The following LRRC20 variants were observed in gnomAD, a reference collection of about 807,000 sequenced individuals.
LRRC20 encodes the protein leucine-rich repeat-containing protein 20.
Under a neutral mutation model 14.4 loss-of-function variants are expected in LRRC20, and 11 were observed. The observed-to-expected ratio is 0.77, with a 90% CI of 0.48 to 1.27. The LOEUF (loss-of-function observed/expected upper bound fraction) is 1.27. Ranked by LOEUF, LRRC20 falls within the 50% of genes most tolerant of loss-of-function variation. The pLI is 0.00. For missense variants in LRRC20, 219 were observed against 251.2 expected (o/e 0.87, Z 0.87); for synonymous variants, 121 against 107.3 (o/e 1.13, Z -0.79).
At position 70,356,086 on chromosome 10, in the gene LRRC20, A is replaced by G. The variant is rs114696149; in HGVS notation, c.83-15384T>C. On this transcript the variant is annotated intron_variant, in intron 2 of 4. Transcript: ENST00000446961. ...AACCACACAAGAGACCTAGAAAGCA[A>G]TATCTTCTTCTCAGAATCCAAATTG... Among the ~76,000 whole-genome samples the G allele has an allele frequency of 9.9e-3, 1,512 of 152,354 alleles. 22 individuals carry two copies. The highest frequency in any genetic ancestry group is 0.057 in the South Asian group (274 of 4,828).
At chr10:70,351,294 A>T (rs1381192337) in intron 2 of LRRC20, among the ~76,000 whole-genome samples, 1 of 152,206 alleles carries the variant, frequency 6.6e-6, no homozygotes, top group Non-Finnish European at 1.5e-5. Context: ...TGTTTTTAAC[A>T]ATATCCCCAG....
intron 4 of LRRC20, among the ~76,000 whole-genome samples, chr10:70,304,470 TTATATATATATATATATATATATATATA>T (rs57284629): frequency 8.8e-6 from 1 of 113,826 alleles, no homozygotes; most frequent in Non-Finnish European, 1.9e-5. Flanking sequence ...GGCCACTTCT[TTATATATATATATATATATATATATATA>T]TATATATATT....
intron 2 of LRRC20, among the ~76,000 whole-genome samples, chr10:70,349,889 G>A (rs536301795): frequency 7.6e-4 from 116 of 152,290 alleles, no homozygotes; most frequent in Admixed American, 1.0e-3. Context: ...TCCCTCCTCA[G>A]TCACTGGCAG....
intron 4 of LRRC20, among the ~76,000 whole-genome samples, chr10:70,301,943 T>C (rs1841206397): frequency 6.6e-6 from 1 of 152,210 alleles, no homozygotes; most frequent in African/African-American, 2.4e-5. Context: ...TCCATATATA[T>C]ATGATATATG....
intron 3 of LRRC20, among the ~76,000 whole-genome samples, chr10:70,338,219 A>G (rs866750986): frequency 1.3e-5 from 2 of 152,240 alleles, no homozygotes; most frequent in Middle Eastern, 6.8e-3. Context: ...TTCTGTTTGC[A>G]TGGTGGCCTT....
intron 2 of LRRC20, among the ~76,000 whole-genome samples, chr10:70,364,960 C>G (rs1165461311): frequency 6.6e-6 from 1 of 151,468 alleles, no homozygotes; most frequent in African/African-American, 2.4e-5. Context: ...AAATTGCAAA[C>G]AGTAAGCCAG....
At chr10:70,319,408 C>T (rs1841994937) in intron 4 of LRRC20, among the ~76,000 whole-genome samples, 2 of 152,170 alleles carry the variant, frequency 1.3e-5, no homozygotes, top group Admixed American at 1.3e-4. Context: ...GTGTTGGCTG[C>T]TGGGGTGAAC....
intron 2 of LRRC20, among the ~76,000 whole-genome samples, chr10:70,370,838 A>T (rs1844238190): frequency 6.7e-6 from 1 of 149,424 alleles, no homozygotes; most frequent in South Asian, 2.1e-4. Context: ...TAGGCAACAC[A>T]GTGAGACCCC....
chr10:70,315,909 C>T (rs1014946830), intron 4 of LRRC20, among the ~76,000 whole-genome samples: 4 of 152,038 alleles, frequency 2.6e-5, no homozygotes, highest in Non-Finnish European at 5.9e-5. Flanking sequence ...ACTGACTTGC[C>T]GAGTGCATCA....
At chr10:70,341,390 G>T (rs770015510) in intron 2 of LRRC20, among the ~76,000 whole-genome samples, 4 of 152,234 alleles carry the variant, frequency 2.6e-5, no homozygotes, top group Non-Finnish European at 4.4e-5. Context: ...CCAGAAAGTG[G>T]AAACAACCCA....
chr10:70,369,697 A>G (rs1281964175), intron 2 of LRRC20, among the ~76,000 whole-genome samples: 1 of 151,236 alleles, frequency 6.6e-6, no homozygotes, highest in Non-Finnish European at 1.5e-5. Flanking sequence ...GTAAAATGGG[A>G]GTATTAACAT....
At chr10:70,326,431 C>A (rs1464897910) in intron 3 of LRRC20, among the ~76,000 whole-genome samples, 1 of 152,172 alleles carries the variant, frequency 6.6e-6, no homozygotes, top group Non-Finnish European at 1.5e-5. Context: ...TCCCTACATC[C>A]AGCCTCTTGC....
Position 70,301,359 on chromosome 10 carries a change from G to A in LRRC20, c.550C>T (p.Pro184Ser), listed in dbSNP as rs1396929744. 2 of 1,612,376 alleles carry A rather than the reference G, an allele frequency of 1.2e-6. No homozygotes were observed. Residue 184 changes from proline (P) to serine (S), a missense_variant, in exon 5 of 5, where the codon CCT (proline) becomes TCT (serine). Transcript: ENST00000446961. The part of the protein sequence containing the change: ...MSPEGARAPL[P>S] ...GTGGGCATGAGGAGGGTGGCCTAAG[G>A]TAGGGGGGCTCTTGCGCCTTCCGGA...
At chr10:70,369,629 A>C (rs1012136290) in intron 2 of LRRC20, among the ~76,000 whole-genome samples, 10 of 150,994 alleles carry the variant, frequency 6.6e-5, no homozygotes, top group African/African-American at 2.4e-4. Flanking sequence ...AAAAAAAAAA[A>C]AAAACCATAC....
intron 2 of LRRC20, among the ~76,000 whole-genome samples, chr10:70,345,158 G>C (rs1215191477): frequency 2.0e-5 from 3 of 151,984 alleles, no homozygotes; most frequent in Admixed American, 6.6e-5. Context: ...ATAGATCATA[G>C]AAAGAAATTA....
chr10:70,350,701 G>A (rs1843267053), intron 2 of LRRC20, among the ~76,000 whole-genome samples: 1 of 152,208 alleles, frequency 6.6e-6, no homozygotes, highest in Non-Finnish European at 1.5e-5. Context: ...AGGGCCCAGA[G>A]GCGAGGGTGT....
chr10:70,316,065 AG>A (rs1841839945), intron 4 of LRRC20, among the ~76,000 whole-genome samples: 3 of 152,210 alleles, frequency 2.0e-5, no homozygotes, highest in Admixed American at 1.3e-4. Flanking sequence ...AGGGACAGGT[AG>A]TAGTGGAGAG....
At chr10:70,314,197 G>T (rs935267346) in intron 4 of LRRC20, among the ~76,000 whole-genome samples, 1 of 152,030 alleles carries the variant, frequency 6.6e-6, no homozygotes, top group African/African-American at 2.4e-5. Context: ...GATGAGATTT[G>T]GGTGGGGACA....
At chr10:70,336,108 T>C (rs4747005) in intron 3 of LRRC20, among the ~76,000 whole-genome samples, 83,109 of 151,982 alleles carry the variant, frequency 0.55, 22,860 homozygotes, top group African/African-American at 0.59. Context: ...ACGGCTGCTA[T>C]CAGGACTAAA....
Sources: gnomAD v4.1 joint callset for allele counts (sites outside exome capture counted in the v4.1 genomes callset) on GRCh38, gnomAD v4.1.1 for gene constraint, MANE v1.5 for transcripts, NCBI Gene and HGNC (gene_info 2026-07-23, HGNC 2026-07-21) for gene names.